BCL2L14: variants seen among roughly 807,000 people sequenced by gnomAD.
BCL2L14 encodes BCL2 like 14.
In BCL2L14, 27 loss-of-function variants were observed where a neutral mutation model predicts 35.3. The ratio of observed to expected loss-of-function variants is 0.76; its 90% CI spans 0.56 to 1.05. The LOEUF is 1.05. Among genes scored for constraint, BCL2L14 ranks in the 50% least tolerant of loss-of-function variants. The pLI, the probability that BCL2L14 is intolerant of heterozygous loss-of-function variation, is 0.00. For synonymous variants in BCL2L14, 139 were observed against 145.9 expected (o/e 0.95, Z 0.34); for missense variants, 377 against 382.6 (o/e 0.99, Z 0.12).
At chr12:12,074,726 A>C (rs1948742292) in intron 1 of BCL2L14, among the ~76,000 whole-genome samples, 1 of 152,250 alleles carries the variant, frequency 6.6e-6, no homozygotes, top group Non-Finnish European at 1.5e-5. Context: ...GGCGTGAGCC[A>C]CCGCGCCCAG....
chr12:12,062,574 C>T (rs11054657), intron 2 of BCL2L14, among the ~76,000 whole-genome samples: 121,544 of 148,832 alleles, frequency 0.82, 49,575 homozygotes, highest in East Asian at 0.91. Context: ...ACACATCAAG[C>T]TTGAGGATTT....
Position 12,099,081 on chromosome 12 carries a change from G to A in BCL2L14, c.*93G>A. On this transcript the variant is annotated 3_prime_UTR_variant, in exon 6 of 6. Coordinates refer to ENST00000308721, the MANE Select transcript of BCL2L14 (RefSeq NM_138723.2). The stretch of plus-strand genomic sequence containing the variant: ...ACTACAGGAGATTACAACGTACAAG[G>A]CAGATGGAGCATTGACGTTTTCAAA... The A allele has an allele frequency of 1.1e-6, 1 of 894,096 alleles. No homozygotes were observed. The highest frequency in any genetic ancestry group is 1.9e-6 in the Non-Finnish European group (1 of 538,858). The allele number at this position is 894,096 out of a possible 1,614,324, so 55.4% of individuals were successfully genotyped here. A position where few individuals can be genotyped will look rare whatever the true frequency, so the allele number is the denominator to read the frequency against.
chr12:12,053,424 T>C (rs76321444), intron 2 of BCL2L14, among the ~76,000 whole-genome samples: 1 of 1,162 alleles, frequency 8.6e-4, no homozygotes, highest in East Asian at 0.5. Flanking sequence ...CTTCTTCTTC[T>C]TTTTTTTTTT....
chr12:12,097,034 C>T (rs550300169), intron 5 of BCL2L14, among the ~76,000 whole-genome samples: 7 of 152,248 alleles, frequency 4.6e-5, no homozygotes, highest in South Asian at 2.1e-4. Context: ...GTCCCAGCTA[C>T]TCAGGGGGGC....
intron 1 of BCL2L14, among the ~76,000 whole-genome samples, chr12:12,076,391 A>G (rs1348963812): frequency 6.6e-6 from 1 of 152,166 alleles, no homozygotes; most frequent in Non-Finnish European, 1.5e-5. Flanking sequence ...GGGAAGAAAG[A>G]TTGTCCAAGC....
chr12:12,098,473 T>A (rs1949361204), intron 5 of BCL2L14, among the ~76,000 whole-genome samples: 1 of 152,150 alleles, frequency 6.6e-6, no homozygotes, highest in Admixed American at 6.5e-5. Context: ...GGTGAATGAA[T>A]CGATCAAATG....
chr12:12,072,799 C>G (rs545280698), intron 1 of BCL2L14, among the ~76,000 whole-genome samples: 13 of 152,104 alleles, frequency 8.5e-5, no homozygotes, highest in Admixed American at 8.5e-4. Flanking sequence ...GAAAGTAAGA[C>G]TTAGCTATAC....
At chr12:12,075,324 C>T (rs1423111141) in intron 1 of BCL2L14, among the ~76,000 whole-genome samples, 2 of 151,992 alleles carry the variant, frequency 1.3e-5, no homozygotes, top group South Asian at 2.1e-4. Context: ...GGTTTCACCA[C>T]GTTGGCCAGG....
chr12:12,089,133 A>G (rs539135564), intron 3 of BCL2L14, among the ~76,000 whole-genome samples: 15 of 152,196 alleles, frequency 9.9e-5, no homozygotes, highest in African/African-American at 3.6e-4. Flanking sequence ...TTGGGAGGCC[A>G]AGGCAGGTGG....
chr12:12,077,383 C>T (rs1247550450), intron 1 of BCL2L14, among the ~76,000 whole-genome samples: 4 of 151,612 alleles, frequency 2.6e-5, no homozygotes, highest in African/African-American at 9.7e-5. Context: ...CTCTAAAAGA[C>T]AAAACAAAAA....
intron 2 of BCL2L14, among the ~76,000 whole-genome samples, chr12:12,084,642 G>C (rs1415216074): frequency 2.6e-5 from 2 of 77,022 alleles, no homozygotes; most frequent in Non-Finnish European, 6.1e-5. Flanking sequence ...CTATCAGACA[G>C]GACCAAGTCT....
chr12:12,070,442 T>C (rs1948651948), upstream of BCL2L14, among the ~76,000 whole-genome samples: 1 of 152,190 alleles, frequency 6.6e-6, no homozygotes, highest in African/African-American at 2.4e-5. Context: ...CCCAGCACTT[T>C]GGGAGGCCGA....
chr12:12,079,713 C>T lies in BCL2L14; in HGVS notation c.408C>T (p.Asn136=), dbSNP rs61729499. ...HSQQWSRCLS[N]VEQCLEHEAV... is the part of the protein sequence containing the mutation. ...AGCAGTGGTCCAGGTGTCTTTCTAA[C>T]GTGGAGCAGTGCTTGGAGCATGAAG... is the stretch of plus-strand genomic sequence containing the variant. Residue 136 remains asparagine, a synonymous_variant, in exon 2 of 6, where the codon AAC becomes AAT. Coordinates refer to ENST00000308721, the MANE Select transcript of BCL2L14 (RefSeq NM_138723.2). The T allele has an allele frequency of 8.6e-3, 13,934 of 1,614,024 alleles. 1,017 individuals carry two copies. In the African/African-American group the frequency reaches 0.16, roughly 18 times the overall value.
chr12:12,059,740 A>T (rs1948493393), intron 2 of BCL2L14, among the ~76,000 whole-genome samples: 1 of 151,532 alleles, frequency 6.6e-6, no homozygotes, highest in African/African-American at 2.4e-5. Flanking sequence ...AACCTCTTCA[A>T]CTCTCACCTG....
chr12:12,079,509 A>T lies in BCL2L14; in HGVS notation c.204A>T (p.Thr68=). 1.2e-6 allele frequency: 2 copies of T among 1,614,256 alleles called. No individual in the cohort carries two copies. ...LGNCSANESW[T]EVSWPCRNSQ... Reference sequence around the variant, plus strand: ...ATTGTTCAGCAAATGAGTCATGGACAGAGGTGTCATGGCCTTGCAGAAATT... The same window carrying T: ...ATTGTTCAGCAAATGAGTCATGGACTGAGGTGTCATGGCCTTGCAGAAATT... Residue 68 remains threonine (T), a synonymous_variant, in exon 2 of 6, where the codon ACA becomes ACT. Transcript: ENST00000308721.
chr12:12,061,478 C>T (rs1023630729), intron 2 of BCL2L14, among the ~76,000 whole-genome samples: 28 of 141,414 alleles, frequency 2.0e-4, no homozygotes, highest in South Asian at 7.3e-4. Context: ...ATTCCCCCAT[C>T]TTACCTGTCC....
intron 2 of BCL2L14, among the ~76,000 whole-genome samples, chr12:12,060,833 CCTT>C (rs1322833350): frequency 2.3e-5 from 3 of 130,582 alleles, no homozygotes; most frequent in South Asian, 2.8e-4. Context: ...CTGACTGACT[CCTT>C]CTCAGCTTAG....
chr12:12,050,446 A>AAAG (rs1555084679), intron 1 of BCL2L14, among the ~76,000 whole-genome samples: 8 of 60,722 alleles, frequency 1.3e-4, no homozygotes, highest in South Asian at 5.1e-4. Flanking sequence ...AAAAAAAAAA[A>AAAG]AAAGAAAAGA....
chr12:12,060,636 T>A lies in BCL2L14; in HGVS notation c.-272+8789T>A, dbSNP rs185783462. Among the ~76,000 whole-genome samples, 2 of 46,176 alleles carry A rather than the reference T, an allele frequency of 4.3e-5. 1 individual carries two copies. Among genetic ancestry groups the A allele is most frequent in the Non-Finnish European group, 8.0e-5 (2 of 25,004 alleles). 30.3% of individuals were successfully genotyped at this position (46,176 alleles called of 152,430 possible). A position where few individuals can be genotyped will look rare whatever the true frequency, so the allele number is the denominator to read the frequency against. On this transcript the variant is annotated intron_variant, in intron 2 of 3. Coordinates refer to the BCL2L14 transcript ENST00000461264. ...CTAAACCTCAGCGTCCAGGCGTTCC[T>A]CCAGAACCTCCTCCCCGAGGAGCTT... is the stretch of plus-strand genomic sequence containing the variant.
Sources: gnomAD v4.1 joint callset for allele counts (sites outside exome capture counted in the v4.1 genomes callset) on GRCh38, gnomAD v4.1.1 for gene constraint, MANE v1.5 for transcripts, NCBI Gene and HGNC (gene_info 2026-07-23, HGNC 2026-07-21) for gene names.